The following TYROBP variants were observed in gnomAD, a reference collection of about 807,000 sequenced individuals.
TYROBP encodes transmembrane immune signaling adaptor TYROBP.
Under a neutral mutation model 17.1 loss-of-function variants are expected in TYROBP, and 14 were observed. That is an observed-to-expected ratio of 0.82 (90% CI 0.54 to 1.28). TYROBP has a LOEUF of 1.28. TYROBP is among the 50% of genes most tolerant of loss of function. The pLI, the probability that TYROBP is intolerant of heterozygous loss-of-function variation, is 0.00. For synonymous variants in TYROBP, 73 were observed against 67.4 expected, an observed-to-expected ratio of 1.08 and a Z score of -0.41; for missense variants, 161 against 151.4, an observed-to-expected ratio of 1.06 and a Z score of -0.33.
At position 35,908,214 on chromosome 19, in the gene TYROBP, TTCAAGTC is replaced by T; in HGVS notation, c.8_14del (p.Gly3AspfsTer15). The T allele has an allele frequency of 6.2e-7, 1 of 1,613,498 alleles. No individual in the cohort carries two copies. The highest frequency in any genetic ancestry group is 8.5e-7 in the Non-Finnish European group (1 of 1,179,892). ...GCAGGAGCAGGAGCCTGCTGCAGGG[TTCAAGTC>T]CCCCCATGAAGCCGGATGCTGCTGG... On this transcript the variant is annotated frameshift_variant, in exon 1 of 5. Transcript: ENST00000262629. LOFTEE classifies it high-confidence loss of function.
At chr19:35,908,098 C>T in intron 1 of TYROBP, 70 bp downstream of exon 1, 1 of 1,395,596 alleles carries the variant, frequency 7.2e-7, no homozygotes, top group Non-Finnish European at 1.0e-6. Context: ...TCTCGTTCCA[C>T]CCCACTCCCT....
At chr19:35,907,810 G>A in intron 1 of TYROBP, 48 bp from the exon 2 acceptor site, 4 of 1,603,898 alleles carry the variant, frequency 2.5e-6, no homozygotes, top group East Asian at 2.2e-5. Flanking sequence ...TATGACGGGG[G>A]TGGGGGAGGC....
chr19:35,907,831 G>C, intron 1 of TYROBP, 69 bp from the exon 2 acceptor site: 1 of 1,545,196 alleles, frequency 6.5e-7, no homozygotes, highest in Non-Finnish European at 8.9e-7. Flanking sequence ...AAGTTTAGAA[G>C]CCAGGGAAGG....
chr19:35,907,630 A>AG (rs1396887951), intron 2 of TYROBP, 50 bp from the exon 3 acceptor site: 32 of 1,612,898 alleles, frequency 2.0e-5, no homozygotes, highest in Middle Eastern at 1.7e-4. Context: ...AACTGTGGGG[A>AG]GGGGGGTCAG....
At chr19:35,904,665 A>T in intron 4 of TYROBP, 31 bp from the exon 5 acceptor site, 1 of 1,602,654 alleles carries the variant, frequency 6.2e-7, no homozygotes, top group Non-Finnish European at 8.5e-7. Context: ...AGTGGAAGGG[A>T]CCCACCAAAT....
In TYROBP at chr19:35,904,458, G is replaced by T; in HGVS notation, c.*111C>A. ...TATTGGGGAGCGGTCTGGTCTCTCA[G>T]GGATGGCACTCTGTGGGTCTGTATC... On this transcript the variant is annotated 3_prime_UTR_variant, in exon 5 of 5. Transcript: ENST00000262629. 8.7e-7 allele frequency: 1 copy of T among 1,147,638 alleles called. No homozygotes were observed. Among genetic ancestry groups the T allele is most frequent in the East Asian group, 2.4e-5 (1 of 41,436 alleles). The allele number at this position is 1,147,638 out of a possible 1,614,324, so 71.1% of individuals were successfully genotyped here.
chr19:35,907,281 T>A lies in TYROBP; in HGVS notation c.230-17A>T. 6 of 1,611,894 alleles carry A rather than the reference T, an allele frequency of 3.7e-6. No homozygotes were observed. The highest frequency in any genetic ancestry group is 5.1e-6 in the Non-Finnish European group (6 of 1,179,212). ...GGGTCGCTGCTGGAGGTGAGGGGTG[T>A]TGTGGGGTGCAGAGACAGGCAGAGT... On this transcript the variant is annotated splice_polypyrimidine_tract_variant and intron_variant, in intron 3 of 4. Transcript: ENST00000262629.
Position 35,906,993 on chromosome 19 carries a change from A to G in TYROBP, c.276+225T>C, listed in dbSNP as rs1036690228. Among the ~76,000 whole-genome samples, 8 of 152,310 alleles carry G rather than the reference A, an allele frequency of 5.3e-5. No homozygotes were observed. In the East Asian group the frequency reaches 1.5e-3, roughly 29 times the overall value. On this transcript the variant is annotated intron_variant, in intron 4 of 4. Transcript: ENST00000262629. ...CTGTCTCCCAAAGTGCTGGGATTAC[A>G]GGTTTGAGTCACCGTGCCCAGCCCC...
Position 35,907,780 on chromosome 19 carries a change from G to T in TYROBP, c.62-18C>A, listed in dbSNP as rs762095737. 6.2e-7 allele frequency: 1 copy of T among 1,613,710 alleles called. No homozygotes were observed. Among genetic ancestry groups the T allele is most frequent in the Admixed American group, 1.7e-5 (1 of 59,970 alleles). ...ACGGAGACCTGAGGAGGAAAAAGAAGGTAAACTGAGGCACAGAGTTATGAC... is the reference window on the plus strand; with the variant it reads ...ACGGAGACCTGAGGAGGAAAAAGAATGTAAACTGAGGCACAGAGTTATGAC... On this transcript the variant is annotated intron_variant, in intron 1 of 4. Coordinates refer to ENST00000262629, the MANE Select transcript of TYROBP (RefSeq NM_003332.4).
intron 4 of TYROBP, 90 bp from the exon 5 acceptor site, chr19:35,904,724 C>T: frequency 1.7e-6 from 2 of 1,178,020 alleles, no homozygotes; most frequent in Non-Finnish European, 2.5e-6. Flanking sequence ...GCAGCTTCTT[C>T]AGCCTTATAG....
At chr19:35,906,816 C>A (rs1196574402) in intron 4 of TYROBP, among the ~76,000 whole-genome samples, 1 of 151,916 alleles carries the variant, frequency 6.6e-6, no homozygotes, top group Non-Finnish European at 1.5e-5. Context: ...CAACCTCCGC[C>A]TCCTGGGTCA....
rs61149773 is a variant in TYROBP, at chr19:35,906,734, C to CT, written c.276+483dup. Among the ~76,000 whole-genome samples the CT allele has an allele frequency of 9.4e-3, 1,336 of 142,520 alleles. 17 individuals carry two copies. Among genetic ancestry groups the CT allele is most frequent in the Middle Eastern group, 0.018 (5 of 274 alleles). 93.5% of individuals were successfully genotyped at this position (142,520 alleles called of 152,430 possible). On this transcript the variant is annotated intron_variant, in intron 4 of 4. Coordinates refer to ENST00000262629, the MANE Select transcript of TYROBP (RefSeq NM_003332.4). ...TTTTTTTTCTTTTTAACTCTTCACGCTTTTTTTTTTTTGACAGAGTTTTCC... is the reference window on the plus strand; with the variant it reads ...TTTTTTTTCTTTTTAACTCTTCACGCTTTTTTTTTTTTTGACAGAGTTTTCC...
intron 4 of TYROBP, 70 bp downstream of exon 4, chr19:35,907,148 A>G: frequency 1.4e-6 from 2 of 1,468,476 alleles, no homozygotes; most frequent in South Asian, 1.2e-5. Context: ...CTCTGATGGC[A>G]TGAAGGAGTA....
chr19:35,904,744 A>G, intron 4 of TYROBP, 110 bp from the exon 5 acceptor site: 2 of 958,688 alleles, frequency 2.1e-6, no homozygotes, highest in Non-Finnish European at 3.2e-6. Context: ...GCCATGAAAG[A>G]GATCCGGATT....
rs773078824 is a variant in TYROBP at position 35,904,615 on chromosome 19, G to A, written c.296C>T (p.Ser99Leu). The change falls in exon 5 of 5, where the codon TCG (serine) becomes TTG (leucine). Residue 99 changes from serine (S) to leucine (L), a missense_variant. By Grantham distance (145) the Ser-to-Leu change is moderately radical. Transcript: ENST00000262629. ...TGTGTTGAGGTCGCTGTAGACATCC[G>A]ACCTCTGACCCTGGAGCTCCTAAAG... ...SPYQELQGQR[S>L]DVYSDLNTQR... is the part of the protein sequence containing the mutation. 2.5e-5 allele frequency: 41 copies of A among 1,613,128 alleles called. No individual in the cohort carries two copies. The highest frequency in any genetic ancestry group is 6.6e-5 in the South Asian group (6 of 90,808).
intron 2 of TYROBP, 45 bp from the exon 3 acceptor site, chr19:35,907,625 T>TG (rs1205611306): frequency 6.2e-7 from 1 of 1,612,482 alleles, no homozygotes; most frequent in Non-Finnish European, 8.5e-7. Context: ...CTGGGAACTG[T>TG]GGGGAGGGGG....
Position 35,907,488 on chromosome 19 carries a change from A to C in TYROBP, c.187T>G (p.Phe63Val). ...CCCCGAGGGACCAGCCGGCCCAGGA[A>C]GTACACGGCCAGGGCAATGAGCACT... ...LTVLIALAVY[F>V]LGRLVPRGRG... Residue 63 changes from phenylalanine to valine, a missense_variant, in exon 3 of 5, where the codon TTC becomes GTC. By Grantham distance (50) the Phe-to-Val change is conservative. Transcript: ENST00000262629. 2 of 1,613,666 alleles carry C rather than the reference A, an allele frequency of 1.2e-6. No homozygotes were observed. The highest frequency in any genetic ancestry group is 1.7e-6 in the Non-Finnish European group (2 of 1,179,826).
rs1470267571 is a variant in TYROBP, at chr19:35,907,879, C to T, written c.62-117G>A. Reference sequence around the variant, plus strand: ...GCCAAGAGGTTAGCAAGGGGGAGAGCGTGTCTGGCGGGACTCAGGGGGCTG... The same window carrying T: ...GCCAAGAGGTTAGCAAGGGGGAGAGTGTGTCTGGCGGGACTCAGGGGGCTG... On this transcript the variant is annotated intron_variant, in intron 1 of 4. Transcript: ENST00000262629. 1.1e-5 allele frequency: 12 copies of T among 1,104,918 alleles called. No homozygotes were observed. The South Asian group carries it at 1.4e-4, about 13-fold the overall frequency. The allele number at this position is 1,104,918 out of a possible 1,614,324, so 68.4% of individuals were successfully genotyped here.
intron 4 of TYROBP, among the ~76,000 whole-genome samples, chr19:35,906,517 C>T (rs1975727817): frequency 1.3e-5 from 2 of 151,876 alleles, no homozygotes; most frequent in African/African-American, 2.4e-5. Flanking sequence ...GATGAAGGGT[C>T]CTCAAACCCA....
Sources: gnomAD v4.1 joint callset for allele counts (sites outside exome capture counted in the v4.1 genomes callset) on GRCh38, gnomAD v4.1.1 for gene constraint, MANE v1.5 for transcripts, NCBI Gene and HGNC (gene_info 2026-07-23, HGNC 2026-07-21) for gene names.